RAPGEF2: variants seen among roughly 807,000 people sequenced by gnomAD.
RAPGEF2 encodes the protein Rap guanine nucleotide exchange factor 2.
Under a neutral mutation model 186.7 loss-of-function variants are expected in RAPGEF2, and 54 were observed. The observed-to-expected ratio is 0.29, with a 90% CI of 0.23 to 0.36. The LOEUF is 0.36. Ranked by LOEUF, RAPGEF2 falls within the 10% of genes least tolerant of loss-of-function variation. RAPGEF2 has a pLI of 1.00. For synonymous variants in RAPGEF2, 712 were observed against 705.9 expected, an observed-to-expected ratio of 1.01 and a Z score of -0.14; for missense variants, 1,532 against 2,045.0, an observed-to-expected ratio of 0.75 and a Z score of 4.84.
At chr4:159,211,780 T>G (rs1750554354) in intron 4 of RAPGEF2, among the ~76,000 whole-genome samples, 1 of 152,342 alleles carries the variant, frequency 6.6e-6, no homozygotes, top group South Asian at 2.1e-4. Context: ...CTTCTACTTC[T>G]TTGAGGTCAA....
At chr4:159,175,252 A>C (rs1746340620) in intron 1 of RAPGEF2, among the ~76,000 whole-genome samples, 1 of 152,148 alleles carries the variant, frequency 6.6e-6, no homozygotes, top group South Asian at 2.1e-4. Context: ...TTTTGCCTTC[A>C]TATGATTTAG....
chr4:159,125,184 G>C (rs1172907335), intron 1 of RAPGEF2, among the ~76,000 whole-genome samples: 1 of 152,122 alleles, frequency 6.6e-6, no homozygotes, highest in Non-Finnish European at 1.5e-5. Flanking sequence ...GCATATGTTA[G>C]GTGCTTTGCT....
chr4:159,352,555 G>A (rs867043332), intron 26 of RAPGEF2, 130 bp from the exon 27 acceptor site: 2 of 674,048 alleles, frequency 3.0e-6, no homozygotes, highest in Middle Eastern at 4.0e-4. Flanking sequence ...CTCTACAAGT[G>A]AAATGGGGTT....
intron 1 of RAPGEF2, 114 bp downstream of exon 1, chr4:159,104,345 G>A: frequency 2.1e-6 from 1 of 472,986 alleles, no homozygotes. Context: ...CCCACTTCTT[G>A]CATCAGGACC....
intron 10 of RAPGEF2, 141 bp downstream of exon 10, chr4:159,322,624 C>A (rs150333083): frequency 3.1e-6 from 2 of 650,730 alleles, no homozygotes; most frequent in East Asian, 2.8e-5. Flanking sequence ...TTATGGTACA[C>A]CTGTTATGTC....
intron 1 of RAPGEF2, among the ~76,000 whole-genome samples, chr4:159,116,791 A>G (rs746938922): frequency 6.6e-6 from 1 of 152,206 alleles, no homozygotes; most frequent in Non-Finnish European, 1.5e-5. Flanking sequence ...TCAGTAAACT[A>G]ACACAAGAAC....
intron 7 of RAPGEF2, among the ~76,000 whole-genome samples, chr4:159,265,936 A>G (rs185497777): frequency 4.1e-4 from 62 of 152,348 alleles, no homozygotes; most frequent in African/African-American, 1.4e-3. Flanking sequence ...ATGGCATAAC[A>G]GGATCACTAT....
chr4:159,186,129 T>C (rs1317380926), intron 1 of RAPGEF2, among the ~76,000 whole-genome samples: 1 of 151,994 alleles, frequency 6.6e-6, no homozygotes, highest in Non-Finnish European at 1.5e-5. Context: ...GTTTTCTTTT[T>C]TAAAAGAAAA....
At chr4:159,351,249 G>A in intron 26 of RAPGEF2, 3 of 1,441,938 alleles carry the variant, frequency 2.1e-6, no homozygotes, top group Non-Finnish European at 2.8e-6. Context: ...ATGAAAATGG[G>A]AGAATTCCTC....
intron 4 of RAPGEF2, among the ~76,000 whole-genome samples, chr4:159,238,596 A>G (rs1753583335): frequency 6.6e-6 from 1 of 152,168 alleles, no homozygotes; most frequent in Non-Finnish European, 1.5e-5. Flanking sequence ...TTATGTTAGA[A>G]TTTTCCAGAA....
intron 8 of RAPGEF2, among the ~76,000 whole-genome samples, chr4:159,314,277 T>C (rs1264283538): frequency 6.6e-6 from 1 of 152,234 alleles, no homozygotes; most frequent in Non-Finnish European, 1.5e-5. Context: ...GCCATTCTCT[T>C]TGAAGAATGG....
At chr4:159,188,536 C>T (rs568526869) in intron 2 of RAPGEF2, among the ~76,000 whole-genome samples, 44 of 151,510 alleles carry the variant, frequency 2.9e-4, no homozygotes, top group Admixed American at 2.3e-3. Context: ...TGTTGGCAAA[C>T]GCTTATAATC....
intron 3 of RAPGEF2, among the ~76,000 whole-genome samples, chr4:159,198,594 T>C (rs888688968): frequency 2.9e-4 from 44 of 151,398 alleles, no homozygotes; most frequent in African/African-American, 9.0e-4. Context: ...TACAGGCATG[T>C]GCCACCACGC....
intron 4 of RAPGEF2, among the ~76,000 whole-genome samples, chr4:159,227,632 G>A (rs566954702): frequency 6.6e-6 from 1 of 152,288 alleles, no homozygotes; most frequent in South Asian, 2.1e-4. Context: ...CTAGCAGTTT[G>A]GTCACGAGGA....
chr4:159,276,577 CAAAT>C (rs1758907044), intron 7 of RAPGEF2, among the ~76,000 whole-genome samples: 2 of 152,084 alleles, frequency 1.3e-5, no homozygotes, highest in African/African-American at 2.4e-5. Context: ...TTTGTTATAA[CAAAT>C]AAAATTTGAA....
chr4:159,213,782 A>C (rs948129783), intron 4 of RAPGEF2, among the ~76,000 whole-genome samples: 50 of 152,088 alleles, frequency 3.3e-4, no homozygotes, highest in African/African-American at 1.2e-3. Context: ...TGTAGAGCTT[A>C]TGAATTCCTA....
At chr4:159,338,495 TTTC>T (rs1174762251) in intron 18 of RAPGEF2, 27 bp downstream of exon 18, 1 of 1,568,310 alleles carries the variant, frequency 6.4e-7, no homozygotes, top group African/African-American at 1.4e-5. Flanking sequence ...CTTCTTTTGT[TTTC>T]TTATAGTTAT....
chr4:159,281,687 A>AAAG (rs1554025349), intron 7 of RAPGEF2, among the ~76,000 whole-genome samples: 3,284 of 146,926 alleles, frequency 0.022, 71 homozygotes, highest in Non-Finnish European at 0.031. Context: ...AAAAAAAAAA[A>AAAG]AAAGAAAAGG....
At chr4:159,105,775 C>A (rs1441442752) in intron 1 of RAPGEF2, among the ~76,000 whole-genome samples, 8 of 152,172 alleles carry the variant, frequency 5.3e-5, no homozygotes, top group Non-Finnish European at 1.5e-5. Context: ...AAGCAGATTT[C>A]AGTGAGATAT....
Sources: allele counts gnomAD v4.1 joint callset (sites outside exome capture counted in the v4.1 genomes callset), GRCh38; gene constraint gnomAD v4.1.1; transcripts MANE v1.5; gene names NCBI Gene and HGNC (gene_info 2026-07-23, HGNC 2026-07-21).